MTCH1: variants seen among roughly 807,000 people sequenced by gnomAD.
MTCH1 encodes mitochondrial carrier 1.
A neutral mutation model predicts 49.3 loss-of-function variants in MTCH1; 23 were observed. The ratio of observed to expected loss-of-function variants is 0.47; its 90% CI spans 0.34 to 0.66. The LOEUF (loss-of-function observed/expected upper bound fraction) is 0.66, where lower values mean the gene tolerates loss of function less well. MTCH1 is among the 30% of genes least tolerant of loss of function. The pLI, the probability that MTCH1 is intolerant of heterozygous loss-of-function variation, is 0.01. For synonymous variants in MTCH1, 229 were observed against 215.2 expected, an observed-to-expected ratio of 1.06 and a Z score of -0.56; for missense variants, 397 against 532.1, an observed-to-expected ratio of 0.75 and a Z score of 2.50.
Position 36,977,337 on chromosome 6 carries a change from G to T in MTCH1, c.650-87C>A. On this transcript the variant is annotated intron_variant, in intron 5 of 11. Coordinates refer to ENST00000373627, the MANE Select transcript of MTCH1 (RefSeq NM_001271641.2). The surrounding 1 kb of genome is among the most constrained non-coding windows in gnomAD (Gnocchi z 5.4). ...GCCACCGGGTGCCAGGTGCAGAGTG[G>T]CCACTGAACAACGTGGCCTATTCAG... is the stretch of plus-strand genomic sequence containing the variant. 2 of 1,424,740 alleles carry T rather than the reference G, an allele frequency of 1.4e-6. No individual in the cohort carries two copies. The highest frequency in any genetic ancestry group is 2.0e-6 in the Non-Finnish European group (2 of 1,015,588). The allele number at this position is 1,424,740 out of a possible 1,614,324, so 88.3% of individuals were successfully genotyped here.
Position 36,986,147 on chromosome 6 carries a change from C to A in MTCH1, c.27G>T (p.Ala9=). 7.0e-7 allele frequency: 1 copy of A among 1,435,384 alleles called. No individual in the cohort carries two copies. The allele number at this position is 1,435,384 out of a possible 1,614,324, so 88.9% of individuals were successfully genotyped here. Residue 9 remains alanine, a synonymous_variant, in exon 1 of 12, where the codon GCG becomes GCT. Coordinates refer to ENST00000373627, the MANE Select transcript of MTCH1 (RefSeq NM_001271641.2). MGASDPEV[A]PWARGGAAGM... ...CCGCGGCACCGCCGCGAGCCCAGGGCGCCACTTCCGGGTCCGAAGCTCCCA... is the reference window on the plus strand; with the variant it reads ...CCGCGGCACCGCCGCGAGCCCAGGGAGCCACTTCCGGGTCCGAAGCTCCCA...
In MTCH1 at chr6:36,980,105, G is replaced by A. The variant is rs182898861; in HGVS notation, c.406+1483C>T. On this transcript the variant is annotated intron_variant, in intron 2 of 11. Coordinates refer to ENST00000373627, the MANE Select transcript of MTCH1 (RefSeq NM_001271641.2). Reference sequence around the variant, plus strand: ...ACTGTACCAGAGAGCCAAATGGCGGGTCCCCTCTCTGACTCCAGAGTAGGC... The same window carrying A: ...ACTGTACCAGAGAGCCAAATGGCGGATCCCCTCTCTGACTCCAGAGTAGGC... 6.6e-5 allele frequency among the ~76,000 whole-genome samples: 10 copies of A among 152,292 alleles called. No individual in the cohort carries two copies. The East Asian group carries it at 1.7e-3, about 26-fold the overall frequency.
upstream of MTCH1, chr6:36,986,255 A>C: frequency 7.9e-7 from 1 of 1,266,544 alleles, no homozygotes; most frequent in Non-Finnish European, 1.0e-6. Context: ...GCCGGGGCGC[A>C]CCACTCCAGG....
At chr6:36,975,822 T>G in intron 6 of MTCH1, 105 bp from the exon 7 acceptor site, 4 of 1,023,098 alleles carry the variant, frequency 3.9e-6, no homozygotes, top group Non-Finnish European at 6.1e-6. Flanking sequence ...ATCCAGCCAG[T>G]CCTGGCAGGG....
chr6:36,981,154 A>G (rs1764070696), intron 2 of MTCH1, among the ~76,000 whole-genome samples: 1 of 152,156 alleles, frequency 6.6e-6, no homozygotes, highest in African/African-American at 2.4e-5. Flanking sequence ...GGGAAACAAG[A>G]CACCCAGGTG....
chr6:36,974,686 GA>G (rs1329008185), intron 7 of MTCH1, among the ~76,000 whole-genome samples: 7 of 152,172 alleles, frequency 4.6e-5, no homozygotes, highest in African/African-American at 1.4e-4. Flanking sequence ...CTCCTGCTGA[GA>G]ACCGTATATA....
chr6:36,978,607 C>T lies in MTCH1; in HGVS notation c.411G>A (p.Lys137=), dbSNP rs928678242. Residue 137 remains lysine (K), a synonymous_variant, in exon 3 of 12, where the codon AAG becomes AAA. Coordinates refer to ENST00000373627, the MANE Select transcript of MTCH1 (RefSeq NM_001271641.2). ...TCTTACCATCCACTTGCACGATGTA[C>T]TTGGCTGTAAGAAAACAGAGGTGGC... is the stretch of plus-strand genomic sequence containing the variant. ...LYLPSFFTYA[K]YIVQVDGKIG... is the part of the protein sequence containing the mutation. 1.7e-5 allele frequency: 28 copies of T among 1,613,802 alleles called. No homozygotes were observed. The highest frequency in any genetic ancestry group is 2.3e-5 in the Non-Finnish European group (27 of 1,179,886).
At chr6:36,981,926 A>G (rs1303391337) in intron 1 of MTCH1, among the ~76,000 whole-genome samples, 1 of 152,166 alleles carries the variant, frequency 6.6e-6, no homozygotes, top group Non-Finnish European at 1.5e-5. Context: ...AGTCACACCC[A>G]CACCCCAACA....
rs530443754 is a variant in MTCH1 at position 36,982,671 on chromosome 6, G to A, written c.322-999C>T. Among the ~76,000 whole-genome samples the A allele has an allele frequency of 1.3e-5, 2 of 152,354 alleles. 1 individual carries two copies. The highest frequency in any genetic ancestry group is 4.8e-5 in the African/African-American group (2 of 41,582). Reference sequence around the variant, plus strand: ...CCCAAAGTGCTGGGATTACAGGCATGAGCCACTGCGCCCAGCCTGAAATAT... The same window carrying A: ...CCCAAAGTGCTGGGATTACAGGCATAAGCCACTGCGCCCAGCCTGAAATAT... On this transcript the variant is annotated intron_variant, in intron 1 of 11. Transcript: ENST00000373627. This position sits in a 1 kb window ranked among gnomAD's most constrained non-coding sequence, Gnocchi z 4.1.
Position 36,972,558 on chromosome 6 carries a change from C to G in MTCH1, c.906+94G>C, listed in dbSNP as rs541192165. ...GAGAGGTCCTCTCTCACCCTCCCGG[C>G]CTGATGCTGAGAATCCCAGAATCCT... On this transcript the variant is annotated intron_variant, in intron 8 of 11. Coordinates refer to ENST00000373627, the MANE Select transcript of MTCH1 (RefSeq NM_001271641.2). This position sits in a 1 kb window ranked among gnomAD's most constrained non-coding sequence, Gnocchi z 4.1. 5.6e-6 allele frequency: 8 copies of G among 1,427,598 alleles called. No individual in the cohort carries two copies. The highest frequency in any genetic ancestry group is 7.5e-6 in the Non-Finnish European group (8 of 1,060,244). The allele number at this position is 1,427,598 out of a possible 1,614,324, so 88.4% of individuals were successfully genotyped here. A position where few individuals can be genotyped will look rare whatever the true frequency, so the allele number is the denominator to read the frequency against.
Position 36,985,984 on chromosome 6 carries a change from T to TGCGGGCCGAGGGCTGAGCC in MTCH1, c.171_189dup (p.Arg64GlyfsTer25). 2 of 1,546,024 alleles carry TGCGGGCCGAGGGCTGAGCC rather than the reference T, an allele frequency of 1.3e-6. No individual in the cohort carries two copies. On this transcript the variant is annotated frameshift_variant, in exon 1 of 12. Coordinates refer to ENST00000373627, the MANE Select transcript of MTCH1 (RefSeq NM_001271641.2). LOFTEE classifies it high-confidence loss of function. ...AGGCCCCCTGACCCGCCATCCATCC[T>TGCGGGCCGAGGGCTGAGCC]GCGGGCCGAGGGCTGAGCCGCAGGC...
chr6:36,975,737 G>C lies in MTCH1; in HGVS notation c.702-20C>G, dbSNP rs2293385. On this transcript the variant is annotated intron_variant, in intron 6 of 11. Transcript: ENST00000373627. ...ACACCACTGTGAAGAAGGCAAGACA[G>C]AGATACAGGGTCATGCAGTCACCTA... The C allele has an allele frequency of 0.24, 387,628 of 1,611,368 alleles. 48,177 individuals carry two copies. Among genetic ancestry groups the C allele is most frequent in the South Asian group, 0.32 (29,176 of 90,996 alleles).
chr6:36,980,270 C>A (rs1764038658), intron 2 of MTCH1, among the ~76,000 whole-genome samples: 1 of 152,238 alleles, frequency 6.6e-6, no homozygotes, highest in South Asian at 2.1e-4. Flanking sequence ...GTTCCCTCTG[C>A]TCTAAGTCCT....
At chr6:36,970,579 G>A in intron 9 of MTCH1, 68 bp downstream of exon 9, 3 of 1,609,262 alleles carry the variant, frequency 1.9e-6, no homozygotes, top group Non-Finnish European at 2.6e-6. Flanking sequence ...CCATTACCAG[G>A]GTTGGCCTCC....
At chr6:36,986,381 G>C (rs1443348506), upstream of MTCH1, 2 of 402,014 alleles carry the variant, frequency 5.0e-6, no homozygotes, top group Non-Finnish European at 8.3e-6. Flanking sequence ...ATGGTGGCGG[G>C]CAGCCGGGGC....
intron 7 of MTCH1, among the ~76,000 whole-genome samples, chr6:36,975,417 G>A (rs1336921485): frequency 6.6e-6 from 1 of 152,184 alleles, no homozygotes; most frequent in Non-Finnish European, 1.5e-5. Context: ...CAGTGGGGCT[G>A]GTCAGTTCAT....
chr6:36,976,121 A>G (rs1292503686), intron 6 of MTCH1, among the ~76,000 whole-genome samples: 1 of 152,080 alleles, frequency 6.6e-6, no homozygotes, highest in African/African-American at 2.4e-5. Flanking sequence ...GCCCAAGAGT[A>G]AGAGTAGGAG....
Position 36,977,749 on chromosome 6 carries a change from C to G in MTCH1, c.592-58G>C. On this transcript the variant is annotated intron_variant, in intron 4 of 11. Transcript: ENST00000373627. The surrounding 1 kb of genome is among the most constrained non-coding windows in gnomAD (Gnocchi z 5.4). ...CCTCGGCCTGTCTCTGGAACTGGCC[C>G]TCGAGGGGAGCTACAAGTGCTCAGG... 1 of 1,469,334 alleles carries G rather than the reference C, an allele frequency of 6.8e-7. No homozygotes were observed. Among genetic ancestry groups the G allele is most frequent in the East Asian group, 2.4e-5 (1 of 41,506 alleles). The allele number at this position is 1,469,334 out of a possible 1,614,324, so 91.0% of individuals were successfully genotyped here.
At chr6:36,973,004 G>A (rs756619521) in intron 7 of MTCH1, among the ~76,000 whole-genome samples, 20 of 152,144 alleles carry the variant, frequency 1.3e-4, no homozygotes, top group Admixed American at 8.5e-4. Context: ...GTTCTATGCC[G>A]CTTTGGATGC....
Sources: allele counts gnomAD v4.1 joint callset (sites outside exome capture counted in the v4.1 genomes callset), GRCh38; gene constraint gnomAD v4.1.1; non-coding constraint Gnocchi (gnomAD v3.1); transcripts MANE v1.5; gene names NCBI Gene and HGNC (gene_info 2026-07-23, HGNC 2026-07-21).